SYT1: variants seen among roughly 807,000 people sequenced by gnomAD.
SYT1 encodes synaptotagmin-1.
A neutral mutation model predicts 44.8 loss-of-function variants in SYT1; 8 were observed. That is an observed-to-expected ratio of 0.18 (90% CI 0.10 to 0.32). SYT1 has a LOEUF of 0.32. Among genes scored for constraint, SYT1 ranks in the 10% least tolerant of loss-of-function variants. The probability of loss-of-function intolerance (pLI) is 1.00; values close to 1 mark genes in which losing one functional copy is unlikely to be tolerated. For missense variants in SYT1, 286 were observed against 509.3 expected, an observed-to-expected ratio of 0.56 and a Z score of 4.22; for synonymous variants, 154 against 188.8, an observed-to-expected ratio of 0.82 and a Z score of 1.51.
intron 3 of SYT1, among the ~76,000 whole-genome samples, chr12:79,129,146 G>A (rs377041625): frequency 3.3e-5 from 5 of 152,032 alleles, no homozygotes; most frequent in African/African-American, 1.2e-4. Context: ...AAAAATGCGT[G>A]GTTAACCAAA....
At chr12:79,175,769 C>T (rs929666161) in intron 3 of SYT1, among the ~76,000 whole-genome samples, 5 of 151,940 alleles carry the variant, frequency 3.3e-5, no homozygotes, top group Non-Finnish European at 1.5e-5. Flanking sequence ...CCATGAAAGT[C>T]CCTGATTTAC....
intron 8 of SYT1, among the ~76,000 whole-genome samples, chr12:79,346,523 G>A (rs115068308): frequency 0.01 from 1,567 of 152,152 alleles, 27 homozygotes; most frequent in African/African-American, 0.035. Context: ...TAGTAATAAG[G>A]CCCCTTCATG....
chr12:79,037,063 A>G (rs1279945861), intron 2 of SYT1, among the ~76,000 whole-genome samples: 1 of 151,862 alleles, frequency 6.6e-6, no homozygotes, highest in Non-Finnish European at 1.5e-5. Context: ...TATTTATGTG[A>G]CAGGTACTAT....
chr12:79,260,344 C>T (rs1040744112), intron 4 of SYT1, among the ~76,000 whole-genome samples: 7 of 152,084 alleles, frequency 4.6e-5, no homozygotes, highest in African/African-American at 1.7e-4. Flanking sequence ...CTCAGAGAAC[C>T]ACAAATATCA....
At chr12:79,208,266 A>G (rs888759499) in intron 3 of SYT1, among the ~76,000 whole-genome samples, 3 of 152,138 alleles carry the variant, frequency 2.0e-5, no homozygotes, top group Non-Finnish European at 4.4e-5. Context: ...TTGAGTTTCC[A>G]TAATGGGAGG....
chr12:79,317,877 G>A (rs925516259), intron 8 of SYT1, among the ~76,000 whole-genome samples: 35 of 152,234 alleles, frequency 2.3e-4, no homozygotes, highest in African/African-American at 7.7e-4. Context: ...AATTTGGACC[G>A]TATTAGTCAC....
chr12:79,205,649 A>T (rs560660107), intron 3 of SYT1, among the ~76,000 whole-genome samples: 1 of 152,340 alleles, frequency 6.6e-6, no homozygotes, highest in East Asian at 1.9e-4. Context: ...ATATCACTTT[A>T]GTAATTCAGT....
intron 4 of SYT1, among the ~76,000 whole-genome samples, chr12:79,253,589 C>T (rs970978079): frequency 7.3e-5 from 11 of 150,646 alleles, no homozygotes; most frequent in African/African-American, 2.7e-4. Context: ...ATTAATAATC[C>T]TGCAATGACC....
At chr12:79,014,623 A>G (rs930643555) in intron 2 of SYT1, among the ~76,000 whole-genome samples, 1 of 152,158 alleles carries the variant, frequency 6.6e-6, no homozygotes, top group Non-Finnish European at 1.5e-5. Flanking sequence ...GGGACTGTAT[A>G]CTAGTTCAAC....
At chr12:79,416,924 T>G (rs775627781) in intron 9 of SYT1, among the ~76,000 whole-genome samples, 1 of 152,172 alleles carries the variant, frequency 6.6e-6, no homozygotes, top group Non-Finnish European at 1.5e-5. Flanking sequence ...ACTGAAGCCC[T>G]GTGTAGTCAT....
chr12:79,326,487 A>G (rs1169923315), intron 8 of SYT1, among the ~76,000 whole-genome samples: 1 of 152,196 alleles, frequency 6.6e-6, no homozygotes, highest in Non-Finnish European at 1.5e-5. Context: ...GGTGCAGGAT[A>G]TTATTACAGC....
chr12:78,986,648 G>T (rs192428867), intron 2 of SYT1, among the ~76,000 whole-genome samples: 73 of 152,008 alleles, frequency 4.8e-4, no homozygotes, highest in Admixed American at 2.6e-3. Context: ...TCCACATTAA[G>T]AAAGGCTTTT....
intron 4 of SYT1, among the ~76,000 whole-genome samples, chr12:79,250,012 T>C (rs1344993097): frequency 6.6e-6 from 1 of 152,188 alleles, no homozygotes; most frequent in Non-Finnish European, 1.5e-5. Flanking sequence ...ATAGTGATTA[T>C]TAAGCACTTT....
intron 2 of SYT1, among the ~76,000 whole-genome samples, chr12:79,038,192 TA>T (rs1873270475): frequency 6.6e-6 from 1 of 150,768 alleles, no homozygotes; most frequent in Non-Finnish European, 1.5e-5. Context: ...CACACACATA[TA>T]TATACACATA....
At chr12:79,072,984 T>C (rs938082577) in intron 3 of SYT1, among the ~76,000 whole-genome samples, 6 of 152,142 alleles carry the variant, frequency 3.9e-5, no homozygotes, top group African/African-American at 1.4e-4. Context: ...TACAAGTATG[T>C]TCCATGAAAT....
rs371574197 is a variant in SYT1 at position 79,372,489 on chromosome 12, A to G, written c.928+18870A>G. Among the ~76,000 whole-genome samples, 3 of 152,140 alleles carry G rather than the reference A, an allele frequency of 2.0e-5. No homozygotes were observed. The East Asian group carries it at 5.8e-4, about 29-fold the overall frequency. On this transcript the variant is annotated intron_variant, in intron 9 of 10. Coordinates refer to ENST00000261205, the MANE Select transcript of SYT1 (RefSeq NM_005639.3). ...TGATGGACACTCAGGATTGCCCATT[A>G]TGTTACTACCATAGAAAGGTCAGCA... is the stretch of plus-strand genomic sequence containing the variant.
At chr12:79,412,717 G>T (rs538800253) in intron 9 of SYT1, among the ~76,000 whole-genome samples, 1 of 152,186 alleles carries the variant, frequency 6.6e-6, no homozygotes, top group East Asian at 1.9e-4. Flanking sequence ...ATTACTTTTA[G>T]AAGATAGTTT....
chr12:79,407,775 C>T (rs1885294104), intron 9 of SYT1, among the ~76,000 whole-genome samples: 1 of 152,014 alleles, frequency 6.6e-6, no homozygotes, highest in Non-Finnish European at 1.5e-5. Context: ...ACGCACAGTC[C>T]AAGCAAAGAA....
chr12:79,042,865 G>A (rs1200633369), intron 2 of SYT1, among the ~76,000 whole-genome samples: 1 of 151,778 alleles, frequency 6.6e-6, no homozygotes, highest in Non-Finnish European at 1.5e-5. Context: ...CTTTATTTCT[G>A]CCTTCATTTT....
Sources: gnomAD v4.1 joint callset for allele counts (sites outside exome capture counted in the v4.1 genomes callset) on GRCh38, gnomAD v4.1.1 for gene constraint, MANE v1.5 for transcripts, NCBI Gene and HGNC (gene_info 2026-07-23, HGNC 2026-07-21) for gene names.